Variants in TBC1D5 observed in about 807,000 individuals in gnomAD.
TBC1D5 encodes TBC1 domain family, member 5.
TBC1D5 carries 75 observed loss-of-function variants against 100.3 expected under a neutral mutation model. That is an observed-to-expected ratio of 0.75 (90% CI 0.62 to 0.91). The LOEUF (loss-of-function observed/expected upper bound fraction) is 0.91, where lower values mean the gene tolerates loss of function less well. TBC1D5 is among the 40% of genes least tolerant of loss of function. The probability of loss-of-function intolerance (pLI) is 0.00; values close to 1 mark genes in which losing one functional copy is unlikely to be tolerated. For synonymous variants in TBC1D5, 323 were observed against 325.6 expected, an observed-to-expected ratio of 0.99 and a Z score of 0.09; for missense variants, 910 against 942.4, an observed-to-expected ratio of 0.97 and a Z score of 0.45.
chr3:17,467,252 C>G (rs1162101338), intron 3 of TBC1D5, among the ~76,000 whole-genome samples: 1 of 147,960 alleles, frequency 6.8e-6, no homozygotes, highest in Non-Finnish European at 1.5e-5. Context: ...ACTATTAAGT[C>G]CACCTAATTA....
At chr3:17,508,371 T>C in intron 3 of TBC1D5, 103 bp downstream of exon 3, 1 of 870,170 alleles carries the variant, frequency 1.1e-6, no homozygotes. Context: ...GCTCACTTCA[T>C]CAAAATGTGT....
At chr3:17,708,902 C>A (rs956566317) in intron 1 of TBC1D5, among the ~76,000 whole-genome samples, 2 of 152,044 alleles carry the variant, frequency 1.3e-5, no homozygotes, top group Admixed American at 6.6e-5. Context: ...AAAGGGAGAC[C>A]GTCACTGGAA....
intron 2 of TBC1D5, among the ~76,000 whole-genome samples, chr3:17,582,478 G>A (rs73165736): frequency 0.052 from 7,931 of 151,822 alleles, 635 homozygotes; most frequent in African/African-American, 0.18. Context: ...TGACAAAAAC[G>A]GGATATAAAA....
intron 4 of TBC1D5, among the ~76,000 whole-genome samples, chr3:17,419,540 A>T (rs914240318): frequency 6.5e-4 from 99 of 152,324 alleles, no homozygotes; most frequent in African/African-American, 2.2e-3. Context: ...GAAGAGTGGA[A>T]AATGAAGACC....
At position 17,512,331 on chromosome 3, in the gene TBC1D5, A is replaced by G. The variant is rs147992250; in HGVS notation, c.-35-3726T>C. 9.9e-3 allele frequency among the ~76,000 whole-genome samples: 1,507 copies of G among 152,224 alleles called. 28 individuals carry two copies. The highest frequency in any genetic ancestry group is 0.034 in the African/African-American group (1,411 of 41,586). ...TTTTATTTAGTCTAAAAATTTTTAA[A>G]CAATCACTGTAAAAGTCCAGCATAA... On this transcript the variant is annotated intron_variant, in intron 2 of 21. Coordinates refer to ENST00000253692, the Ensembl canonical transcript of TBC1D5.
intron 14 of TBC1D5, 57 bp from the exon 15 acceptor site, chr3:17,292,058 C>T: frequency 1.4e-6 from 2 of 1,405,158 alleles, no homozygotes; most frequent in African/African-American, 1.4e-5. Flanking sequence ...TTCTGCATTG[C>T]TGAGAATATA....
intron 13 of TBC1D5, among the ~76,000 whole-genome samples, chr3:17,364,796 T>A (rs2091994966): frequency 6.6e-6 from 1 of 152,174 alleles, no homozygotes. Flanking sequence ...CTGCTTCTTA[T>A]TATGAGTCTT....
chr3:17,636,422 A>C (rs2063933306), intron 1 of TBC1D5, among the ~76,000 whole-genome samples: 1 of 152,176 alleles, frequency 6.6e-6, no homozygotes, highest in African/African-American at 2.4e-5. Context: ...AACTCTTTAT[A>C]TTATGCTGCC....
intron 2 of TBC1D5, among the ~76,000 whole-genome samples, chr3:17,509,849 C>T (rs1439417627): frequency 6.6e-6 from 1 of 151,848 alleles, no homozygotes; most frequent in Non-Finnish European, 1.5e-5. Flanking sequence ...TTCCTTTGGT[C>T]GTTTTGAAAG....
intron 2 of TBC1D5, among the ~76,000 whole-genome samples, chr3:17,588,498 A>AC (rs1264647539): frequency 6.6e-6 from 1 of 152,150 alleles, no homozygotes; most frequent in East Asian, 1.9e-4. Flanking sequence ...GTCAGTGTAT[A>AC]AGTTACTGCT....
At chr3:17,504,483 T>C (rs1317358009) in intron 3 of TBC1D5, among the ~76,000 whole-genome samples, 1 of 152,118 alleles carries the variant, frequency 6.6e-6, no homozygotes, top group Admixed American at 6.5e-5. Context: ...GGATTATATA[T>C]TGTTGAATGC....
intron 3 of TBC1D5, among the ~76,000 whole-genome samples, chr3:17,464,170 C>T (rs994274151): frequency 2.2e-4 from 33 of 151,856 alleles, no homozygotes; most frequent in African/African-American, 4.8e-5. Flanking sequence ...AGGCTGGTCT[C>T]GAACTCCAGG....
chr3:17,728,923 A>C (rs2076332113), intron 1 of TBC1D5, among the ~76,000 whole-genome samples: 1 of 151,080 alleles, frequency 6.6e-6, no homozygotes, highest in Non-Finnish European at 1.5e-5. Flanking sequence ...TTTTAAAAAT[A>C]TATAGCAAAT....
chr3:17,354,832 A>C (rs754320317), intron 13 of TBC1D5, among the ~76,000 whole-genome samples: 48 of 152,080 alleles, frequency 3.2e-4, no homozygotes, highest in Non-Finnish European at 6.3e-4. Flanking sequence ...GAACTTATAC[A>C]CACAATTTAT....
intron 2 of TBC1D5, among the ~76,000 whole-genome samples, chr3:17,551,863 G>A (rs1031982097): frequency 6.6e-5 from 10 of 152,058 alleles, no homozygotes; most frequent in Non-Finnish European, 1.0e-4. Flanking sequence ...AAACAACTGC[G>A]TATTAAAATA....
At chr3:17,471,587 C>T (rs888600989) in intron 3 of TBC1D5, among the ~76,000 whole-genome samples, 2 of 133,210 alleles carry the variant, frequency 1.5e-5, no homozygotes, top group Admixed American at 7.5e-5. Flanking sequence ...AGGAGAATGG[C>T]GTGAACCCGG....
chr3:17,698,604 G>A (rs1459138922), intron 1 of TBC1D5, among the ~76,000 whole-genome samples: 1 of 146,312 alleles, frequency 6.8e-6, no homozygotes, highest in Non-Finnish European at 1.5e-5. Context: ...GAGTGAACAG[G>A]CAACCTACAA....
At chr3:17,346,326 C>G (rs1352130936) in intron 13 of TBC1D5, among the ~76,000 whole-genome samples, 4 of 152,062 alleles carry the variant, frequency 2.6e-5, no homozygotes, top group Admixed American at 1.3e-4. Context: ...CATACCCTTG[C>G]TTTAATTAGC....
intron 1 of TBC1D5, among the ~76,000 whole-genome samples, chr3:17,702,914 G>A (rs910614377): frequency 6.6e-6 from 1 of 152,102 alleles, no homozygotes; most frequent in Admixed American, 6.5e-5. Flanking sequence ...CTGAAAAGCT[G>A]AGGGGTAAGG....
Sources: allele counts gnomAD v4.1 joint callset (sites outside exome capture counted in the v4.1 genomes callset), GRCh38; gene constraint gnomAD v4.1.1; transcripts MANE v1.5; gene names NCBI Gene and HGNC (gene_info 2026-07-23, HGNC 2026-07-21).